The following FOXN3 variants were observed in gnomAD, a reference collection of about 807,000 sequenced individuals.
FOXN3 encodes the protein forkhead box protein N3.
Under a neutral mutation model 38.4 loss-of-function variants are expected in FOXN3, and 7 were observed. The observed-to-expected ratio is 0.18, with a 90% CI of 0.10 to 0.34. FOXN3 has a LOEUF of 0.34. FOXN3 is among the 10% of genes least tolerant of loss of function. The pLI, the probability that FOXN3 is intolerant of heterozygous loss-of-function variation, is 1.00. For synonymous variants in FOXN3, 230 were observed against 242.2 expected (o/e 0.95, Z 0.47); for missense variants, 456 against 613.4 (o/e 0.74, Z 2.71).
chr14:89,479,013 G>A (rs1299001359), intron 1 of FOXN3, among the ~76,000 whole-genome samples: 1 of 151,598 alleles, frequency 6.6e-6, no homozygotes, highest in Admixed American at 6.6e-5. Context: ...GGAAATGGAG[G>A]TTCAGACAGT....
chr14:89,363,965 T>TATATATATATATATATATA (rs1566968924), intron 2 of FOXN3, among the ~76,000 whole-genome samples: 2 of 39,598 alleles, frequency 5.1e-5, no homozygotes, highest in African/African-American at 1.9e-4. Context: ...TATATATATA[T>TATATATATATATATATATA]ATATATATAT....
At chr14:89,475,221 A>C (rs1893187168) in intron 1 of FOXN3, among the ~76,000 whole-genome samples, 1 of 152,258 alleles carries the variant, frequency 6.6e-6, no homozygotes, top group Non-Finnish European at 1.5e-5. Flanking sequence ...ATTTACTTAT[A>C]CATATGCATT....
intron 3 of FOXN3, chr14:89,291,338 C>A: frequency 1.8e-6 from 1 of 553,398 alleles, no homozygotes. Context: ...TCATGAGATG[C>A]CATCAGAAGG....
chr14:89,332,478 T>C (rs1220297387), intron 3 of FOXN3, among the ~76,000 whole-genome samples: 1 of 152,224 alleles, frequency 6.6e-6, no homozygotes, highest in Non-Finnish European at 1.5e-5. Flanking sequence ...CTTGTGATTC[T>C]GATGCTTCAC....
intron 3 of FOXN3, among the ~76,000 whole-genome samples, chr14:89,344,202 T>C (rs1160410980): frequency 2.6e-5 from 4 of 151,452 alleles, no homozygotes; most frequent in African/African-American, 9.7e-5. Flanking sequence ...ACATGAAATA[T>C]AGACTATGAT....
At chr14:89,300,972 C>CA (rs1887200312) in intron 3 of FOXN3, among the ~76,000 whole-genome samples, 1 of 145,782 alleles carries the variant, frequency 6.9e-6, no homozygotes, top group Non-Finnish European at 1.5e-5. Flanking sequence ...AATTTTTTTG[C>CA]TTTTTTTTTT....
chr14:89,420,113 C>G (rs1027539669), upstream of FOXN3, among the ~76,000 whole-genome samples: 1 of 152,234 alleles, frequency 6.6e-6, no homozygotes, highest in African/African-American at 2.4e-5. Flanking sequence ...CCACTCTCTA[C>G]CCTGCAGGTT....
Position 89,504,306 on chromosome 14 carries a change from G to A in FOXN3, c.-14-91816C>T, listed in dbSNP as rs115613832. Among the ~76,000 whole-genome samples the A allele has an allele frequency of 4.8e-3, 735 of 152,306 alleles. 6 individuals are homozygous for A. Among genetic ancestry groups the A allele is most frequent in the African/African-American group, 0.017 (698 of 41,532 alleles). On this transcript the variant is annotated intron_variant, in intron 1 of 6. Transcript: ENST00000345097. ...AATCCAACCCATGTGTTTGCAGGAC[G>A]GCTGCATTGCCATGGGGTAAGTCCA...
chr14:89,235,572 G>C (rs528389910), intron 4 of FOXN3, among the ~76,000 whole-genome samples: 134 of 152,306 alleles, frequency 8.8e-4, no homozygotes, highest in African/African-American at 3.2e-3. Context: ...TCCACATCCT[G>C]ATCTCCAGCA....
At chr14:89,376,056 T>C (rs1890468904) in intron 2 of FOXN3, among the ~76,000 whole-genome samples, 1 of 152,220 alleles carries the variant, frequency 6.6e-6, no homozygotes, top group South Asian at 2.1e-4. Flanking sequence ...GTGCTGGGAT[T>C]ACAGGCGTGA....
chr14:89,318,233 A>G (rs1291402550), intron 3 of FOXN3, among the ~76,000 whole-genome samples: 2 of 141,684 alleles, frequency 1.4e-5, no homozygotes, highest in Non-Finnish European at 3.0e-5. Context: ...ATCTCAGCTC[A>G]CTGCAACCTC....
At position 89,158,716 on chromosome 14, in the gene FOXN3, T is replaced by C. The variant is rs1887032980; in HGVS notation, c.*3698A>G. 1 of 152,626 alleles carries C rather than the reference T, an allele frequency of 6.6e-6. No individual in the cohort carries two copies. Among genetic ancestry groups the C allele is most frequent in the Non-Finnish European group, 1.5e-5 (1 of 68,048 alleles). 9.5% of individuals were successfully genotyped at this position (152,626 alleles called of 1,614,324 possible). On this transcript the variant is annotated 3_prime_UTR_variant, in exon 6 of 6. Transcript: ENST00000557258. ...TAGGATAAAAATAACTGTTTATATG[T>C]ATATCATTTAAGAAAAAAAAGAGTG...
chr14:89,276,167 T>A (rs964019342), intron 4 of FOXN3, among the ~76,000 whole-genome samples: 1 of 152,020 alleles, frequency 6.6e-6, no homozygotes, highest in African/African-American at 2.4e-5. Context: ...TAATCCCAGC[T>A]ACTTGGAAGG....
intron 3 of FOXN3, among the ~76,000 whole-genome samples, chr14:89,301,850 C>A (rs889060459): frequency 6.6e-6 from 1 of 152,126 alleles, no homozygotes; most frequent in Non-Finnish European, 1.5e-5. Flanking sequence ...GCGCCTTAAC[C>A]ATGTCTTTGT....
chr14:89,473,425 G>A (rs1372775112), intron 1 of FOXN3, among the ~76,000 whole-genome samples: 5 of 150,860 alleles, frequency 3.3e-5, no homozygotes, highest in African/African-American at 9.8e-5. Flanking sequence ...GTGCAGTGGC[G>A]TGATTGCAGC....
intron 1 of FOXN3, among the ~76,000 whole-genome samples, chr14:89,464,971 C>T (rs1391247914): frequency 6.6e-6 from 1 of 152,184 alleles, no homozygotes; most frequent in African/African-American, 2.4e-5. Context: ...GCTGGGTCTG[C>T]AGGCGTGAGC....
intron 2 of FOXN3, among the ~76,000 whole-genome samples, chr14:89,389,742 T>C (rs1195645179): frequency 6.6e-6 from 1 of 152,150 alleles, no homozygotes; most frequent in Non-Finnish European, 1.5e-5. Context: ...AAAGGGTAGC[T>C]TGGGGGCATC....
At chr14:89,612,318 T>C (rs1896408408) in intron 1 of FOXN3, among the ~76,000 whole-genome samples, 1 of 152,122 alleles carries the variant, frequency 6.6e-6, no homozygotes, top group African/African-American at 2.4e-5. Context: ...TATCACCCAA[T>C]ACTGCCACAC....
chr14:89,266,398 A>T (rs1179908784), intron 4 of FOXN3, among the ~76,000 whole-genome samples: 3 of 152,090 alleles, frequency 2.0e-5, no homozygotes, highest in Admixed American at 2.0e-4. Context: ...ATTTCATCTT[A>T]ATTACCTCTT....
Sources: gnomAD v4.1 joint callset for allele counts (sites outside exome capture counted in the v4.1 genomes callset) on GRCh38, gnomAD v4.1.1 for gene constraint, MANE v1.5 for transcripts, NCBI Gene and HGNC (gene_info 2026-07-23, HGNC 2026-07-21) for gene names.